CCNJL: variants seen among roughly 807,000 people sequenced by gnomAD.
CCNJL encodes the protein cyclin-J-like protein.
Under a neutral mutation model 33.4 loss-of-function variants are expected in CCNJL, and 33 were observed. The observed-to-expected ratio is 0.99, with a 90% CI of 0.75 to 1.32. The LOEUF is 1.32. Among genes scored for constraint, CCNJL ranks in the 40% most tolerant of loss-of-function variants. The pLI is 0.00. For synonymous variants in CCNJL, 227 were observed against 220.9 expected, an observed-to-expected ratio of 1.03 and a Z score of -0.24; for missense variants, 512 against 499.7, an observed-to-expected ratio of 1.02 and a Z score of -0.23.
chr5:160,301,039 A>G (rs1360341520), intron 2 of CCNJL, among the ~76,000 whole-genome samples: 1 of 152,200 alleles, frequency 6.6e-6, no homozygotes, highest in East Asian at 1.9e-4. Context: ...TAGGGCTTCC[A>G]CTTTAGGAAC....
intron 2 of CCNJL, among the ~76,000 whole-genome samples, chr5:160,308,219 G>A (rs1196546788): frequency 6.6e-6 from 1 of 152,180 alleles, no homozygotes; most frequent in African/African-American, 2.4e-5. Context: ...TGCCTGCCAA[G>A]TACCCACCAT....
In CCNJL at chr5:160,320,789, CT is replaced by C. The variant is rs57879371; in HGVS notation, n.207-5285del. Reference sequence around the variant, plus strand: ...TTTCTTTCTTTCTTTTCTTTCTTTCCTTTCTTTCTTTCTTTCTTTCTTTCTT... The same window carrying C: ...TTTCTTTCTTTCTTTTCTTTCTTTCCTTCTTTCTTTCTTTCTTTCTTTCTT... On this transcript the variant is annotated intron_variant and non_coding_transcript_variant, in intron 1 of 7. Coordinates refer to the CCNJL transcript ENST00000377503. Among the ~76,000 whole-genome samples, 22 of 36,004 alleles carry C rather than the reference CT, an allele frequency of 6.1e-4. No individual in the cohort carries two copies. The Admixed American group carries it at 7.2e-3, about 12-fold the overall frequency. The allele number at this position is 36,004 out of a possible 152,430, so 23.6% of individuals were successfully genotyped here. A position where few individuals can be genotyped will look rare whatever the true frequency, so the allele number is the denominator to read the frequency against.
Position 160,259,697 on chromosome 5 carries a change from TC to T in CCNJL, c.354del (p.Asn119ThrfsTer10). 6.2e-7 allele frequency: 1 copy of T among 1,614,154 alleles called. No homozygotes were observed. ...QINSTRILSSQNFTLTKKELL... is the reference protein window; with the variant it reads ...QINSTRILSSXNFTLTKKELL... ...AGCTCCTTCTTGGTGAGGGTGAAGT[TC>T]TGGCTGCTCAGGATCCTCGTGCTGT... is the stretch of plus-strand genomic sequence containing the variant. On this transcript the variant is annotated frameshift_variant, in exon 4 of 6. Coordinates refer to ENST00000257536, the MANE Select transcript of CCNJL (RefSeq NM_001308173.3). LOFTEE classifies it high-confidence loss of function.
chr5:160,280,110 G>A (rs1431073561), intron 3 of CCNJL, among the ~76,000 whole-genome samples: 1 of 152,144 alleles, frequency 6.6e-6, no homozygotes, highest in African/African-American at 2.4e-5. Context: ...TCCCCTCCCA[G>A]CACGTTCATA....
At position 160,259,643 on chromosome 5, in the gene CCNJL, C is replaced by A; in HGVS notation, c.409G>T (p.Ala137Ser). The change falls in exon 4 of 6, where the codon GCC becomes TCC. Residue 137 changes from alanine to serine, a missense_variant. Transcript: ENST00000257536. ...LLSTELLLLE[A>S]FSWNLCLPTP... The stretch of plus-strand genomic sequence containing the variant: ...GGCAGGCAGAGGTTCCAGCTGAAGG[C>A]CTCCAGGAGCAGCAGCTCTGTGCTC... 6.2e-7 allele frequency: 1 copy of A among 1,614,140 alleles called. No homozygotes were observed. The highest frequency in any genetic ancestry group is 8.5e-7 in the Non-Finnish European group (1 of 1,180,028).
intron 2 of CCNJL, among the ~76,000 whole-genome samples, chr5:160,290,418 A>C (rs1251065457): frequency 6.6e-6 from 1 of 151,960 alleles, no homozygotes; most frequent in Non-Finnish European, 1.5e-5. Context: ...GGCACCCACC[A>C]CCACACCCGT....
At chr5:160,281,494 A>G (rs1580980923) in intron 2 of CCNJL, 1 of 152,726 alleles carries the variant, frequency 6.5e-6, no homozygotes, top group East Asian at 1.9e-4. Context: ...TGCAATATAT[A>G]TACTGCCACA....
Position 160,249,241 on chromosome 5 carries a change from T to C in CCNJL, c.*4137A>G, listed in dbSNP as rs1038150355. 9.9e-5 allele frequency: 15 copies of C among 152,198 alleles called. No individual in the cohort carries two copies. Among genetic ancestry groups the C allele is most frequent in the Admixed American group, 2.0e-4 (3 of 15,274 alleles). The allele number at this position is 152,198 out of a possible 1,614,324, so 9.4% of individuals were successfully genotyped here. On this transcript the variant is annotated 3_prime_UTR_variant, in exon 6 of 6. Transcript: ENST00000257536. ...AGTTTATCTATGGTCAGTTGTGGAA[T>C]AGGTCTGTTTCTATATGCACATGTA...
At chr5:160,298,113 G>C (rs1259800248) in intron 2 of CCNJL, among the ~76,000 whole-genome samples, 5 of 152,132 alleles carry the variant, frequency 3.3e-5, no homozygotes, top group Admixed American at 2.0e-4. Context: ...CTTAAAAGGG[G>C]GACTCTGGTC....
chr5:160,256,102 T>C (rs764346732), intron 4 of CCNJL, among the ~76,000 whole-genome samples: 1 of 152,308 alleles, frequency 6.6e-6, no homozygotes, highest in South Asian at 2.1e-4. Flanking sequence ...TAATTCAGGC[T>C]GGTATCGAAC....
At chr5:160,329,101 A>C (rs904962410) in intron 1 of CCNJL, among the ~76,000 whole-genome samples, 1 of 152,176 alleles carries the variant, frequency 6.6e-6, no homozygotes, top group African/African-American at 2.4e-5. Flanking sequence ...AGAGGAAGCT[A>C]GGAGCCAAGC....
At chr5:160,296,824 A>G (rs1580999221) in intron 2 of CCNJL, among the ~76,000 whole-genome samples, 1 of 152,022 alleles carries the variant, frequency 6.6e-6, no homozygotes, top group African/African-American at 2.4e-5. Context: ...TTCAAACCCA[A>G]ATCAAACAGC....
At chr5:160,274,593 C>A (rs1226333600) in intron 3 of CCNJL, among the ~76,000 whole-genome samples, 3 of 152,230 alleles carry the variant, frequency 2.0e-5, no homozygotes, top group South Asian at 2.1e-4. Flanking sequence ...TTCCCACCCC[C>A]CTGAAAGAAA....
At chr5:160,332,740 C>T (rs1345151067) in intron 1 of CCNJL, among the ~76,000 whole-genome samples, 1 of 152,326 alleles carries the variant, frequency 6.6e-6, no homozygotes, top group East Asian at 1.9e-4. Context: ...CTTTTCCCAG[C>T]CACCTATTAT....
At chr5:160,268,987 C>T (rs1249927527) in intron 3 of CCNJL, among the ~76,000 whole-genome samples, 7 of 152,190 alleles carry the variant, frequency 4.6e-5, no homozygotes, top group Admixed American at 3.9e-4. Context: ...GATGGAAGGA[C>T]GGATGGATGA....
intron 1 of CCNJL, among the ~76,000 whole-genome samples, chr5:160,324,442 G>A (rs557745042): frequency 1.6e-3 from 249 of 152,144 alleles, no homozygotes; most frequent in Non-Finnish European, 2.9e-3. Flanking sequence ...GCGTGGTGGC[G>A]GGCACCTGTA....
At chr5:160,320,846 TTTCC>T (rs768234775) in intron 1 of CCNJL, among the ~76,000 whole-genome samples, 8,622 of 77,130 alleles carry the variant, frequency 0.11, 266 homozygotes, top group Middle Eastern at 0.18. Context: ...TCTTTCTTTC[TTTCC>T]TTCTTTCTTT....
At chr5:160,256,874 A>G (rs1761086892) in intron 4 of CCNJL, among the ~76,000 whole-genome samples, 1 of 151,282 alleles carries the variant, frequency 6.6e-6, no homozygotes, top group African/African-American at 2.4e-5. Context: ...GCTGAGATCG[A>G]GCCATTGCAC....
At chr5:160,257,381 A>T (rs1761114508) in intron 4 of CCNJL, among the ~76,000 whole-genome samples, 1 of 152,042 alleles carries the variant, frequency 6.6e-6, no homozygotes, top group African/African-American at 2.4e-5. Context: ...AGGCTGAGGC[A>T]GGAGAATCGC....
Sources: allele counts gnomAD v4.1 joint callset (sites outside exome capture counted in the v4.1 genomes callset), GRCh38; gene constraint gnomAD v4.1.1; transcripts MANE v1.5; gene names NCBI Gene and HGNC (gene_info 2026-07-23, HGNC 2026-07-21).